ITGA7: variants seen among roughly 807,000 people sequenced by gnomAD.
ITGA7 encodes integrin subunit alpha 7.
In ITGA7, 84 loss-of-function variants were observed where a neutral mutation model predicts 131.6. The ratio of observed to expected loss-of-function variants is 0.64; its 90% CI spans 0.54 to 0.77. The LOEUF is 0.77. Ranked by LOEUF, ITGA7 falls within the 30% of genes least tolerant of loss-of-function variation. The pLI is 0.00. For synonymous variants in ITGA7, 548 were observed against 600.7 expected, an observed-to-expected ratio of 0.91 and a Z score of 1.28; for missense variants, 1,399 against 1,482.9, an observed-to-expected ratio of 0.94 and a Z score of 0.93.
At position 55,696,357 on chromosome 12, in the gene ITGA7, G is replaced by C; in HGVS notation, c.1813C>G (p.Gln605Glu). The C allele has an allele frequency of 6.3e-7, 1 of 1,591,172 alleles. No homozygotes were observed. The highest frequency in any genetic ancestry group is 8.6e-7 in the Non-Finnish European group (1 of 1,167,604). Residue 605 changes from glutamine to glutamate, a missense_variant, in exon 13 of 25, where the codon CAG becomes GAG. Coordinates refer to ENST00000257879, the MANE Select transcript of ITGA7 (RefSeq NM_002206.3). ...GGAGGCAGCCCCTGGCCAGGAGCCT[G>C]TCGCCGGAGCCGAGGGGTCTGGAGA... ...YSLQTPRLRR[Q>E]APGQGLPPVA... is the part of the protein sequence containing the mutation.
At chr12:55,695,693 CT>C (rs1232986153) in intron 13 of ITGA7, 56 bp from the exon 14 acceptor site, 24 of 1,183,276 alleles carry the variant, frequency 2.0e-5, no homozygotes, top group Non-Finnish European at 2.8e-5. Context: ...GGGGGCAAAC[CT>C]GTCACCATGG....
chr12:55,710,615 A>C (rs1876009360), upstream of ITGA7, among the ~76,000 whole-genome samples: 1 of 151,854 alleles, frequency 6.6e-6, no homozygotes, highest in South Asian at 2.1e-4. Flanking sequence ...CCATCTCTAC[A>C]AAAAATAGAA....
chr12:55,690,167 C>T (rs993945631), intron 21 of ITGA7, among the ~76,000 whole-genome samples: 6 of 152,188 alleles, frequency 3.9e-5, no homozygotes, highest in Non-Finnish European at 7.3e-5. Flanking sequence ...AAGAAACTAT[C>T]ATCGGAGTGA....
upstream of ITGA7, among the ~76,000 whole-genome samples, chr12:55,713,729 C>T (rs1466712602): frequency 6.6e-6 from 1 of 152,182 alleles, no homozygotes; most frequent in Non-Finnish European, 1.5e-5. Flanking sequence ...TTTATTTTGG[C>T]ACTTAAAATG....
chr12:55,700,513 C>T (rs1873752836), intron 4 of ITGA7: 2 of 1,256,026 alleles, frequency 1.6e-6, no homozygotes, highest in Non-Finnish European at 2.2e-6. Flanking sequence ...CTCTCCCCAC[C>T]CTGTCCCCAA....
chr12:55,689,831 A>C (rs1432623583), intron 21 of ITGA7, among the ~76,000 whole-genome samples: 1 of 152,152 alleles, frequency 6.6e-6, no homozygotes, highest in Non-Finnish European at 1.5e-5. Context: ...ATCTACAACT[A>C]TCTGATCTTT....
At chr12:55,689,353 C>G (rs893146780) in intron 21 of ITGA7, among the ~76,000 whole-genome samples, 1 of 152,186 alleles carries the variant, frequency 6.6e-6, no homozygotes, top group South Asian at 2.1e-4. Context: ...GGAGGCCAAG[C>G]GACCTGCCTC....
At chr12:55,692,787 T>C in intron 21 of ITGA7, 57 bp downstream of exon 21, 1 of 1,554,690 alleles carries the variant, frequency 6.4e-7, no homozygotes, top group South Asian at 1.2e-5. Flanking sequence ...ACAGGTACCC[T>C]TCCTGGACAC....
chr12:55,697,121 C>T, intron 11 of ITGA7, 53 bp from the exon 12 acceptor site: 1 of 1,595,254 alleles, frequency 6.3e-7, no homozygotes, highest in Non-Finnish European at 8.5e-7. Flanking sequence ...TGCTCCAGCT[C>T]ACCCCATTCC....
At position 55,707,494 on chromosome 12, in the gene ITGA7, C is replaced by T. The variant is rs1262086396; in HGVS notation, c.189G>A (p.Gln63=). 4.3e-6 allele frequency: 7 copies of T among 1,613,410 alleles called. No homozygotes were observed. The highest frequency in any genetic ancestry group is 4.0e-5 in the African/African-American group (3 of 74,882). The change falls in exon 1 of 25, where the codon CAG becomes CAA. Residue 63 remains glutamine (Q), a synonymous_variant. Coordinates refer to ENST00000257879, the MANE Select transcript of ITGA7 (RefSeq NM_002206.3). ...GFSVALHRQL[Q]PRPQSWLLVG... is the part of the protein sequence containing the mutation. ...TGACTCACCAGCTCTGGGGTCGGGG[C>T]TGCAACTGCCGGTGCAGGGCCACAG...
intron 21 of ITGA7, among the ~76,000 whole-genome samples, 166 bp downstream of exon 21, chr12:55,692,678 G>A (rs1454249919): frequency 6.6e-6 from 1 of 152,298 alleles, no homozygotes; most frequent in African/African-American, 2.4e-5. Context: ...TGAGCAGGAA[G>A]GGGGTCTGCA....
At chr12:55,705,401 T>TG (rs1356979124) in intron 1 of ITGA7, among the ~76,000 whole-genome samples, 1 of 148,264 alleles carries the variant, frequency 6.7e-6, no homozygotes, top group African/African-American at 2.5e-5. Context: ...TGTTGGCAGC[T>TG]GGGGGGCAGA....
rs201280060 is a variant in ITGA7, at chr12:55,697,059, T to C, written c.1577A>G (p.Tyr526Cys). The C allele has an allele frequency of 9.9e-5, 160 of 1,613,682 alleles. No individual in the cohort carries two copies. The highest frequency in any genetic ancestry group is 1.3e-4 in the Non-Finnish European group (153 of 1,179,880). Residue 526 changes from tyrosine to cysteine, a missense_variant, in exon 12 of 25, where the codon TAT (tyrosine) becomes TGT (cysteine). Physicochemically the swap from Tyr to Cys is radical, Grantham distance 194. Transcript: ENST00000257879. ...CCGGTCTGTGTCCGCATCTAACACATAGTCCAGGGCTGTGGCATGTTGGGA... is the reference window on the plus strand; with the variant it reads ...CCGGTCTGTGTCCGCATCTAACACACAGTCCAGGGCTGTGGCATGTTGGGA... ...SSYSPTVALD[Y>C]VLDADTDRRL...
intron 22 of ITGA7, 54 bp downstream of exon 22, chr12:55,688,790 G>T: frequency 1.5e-6 from 2 of 1,338,600 alleles, no homozygotes; most frequent in Non-Finnish European, 2.2e-6. Context: ...AATGAGTCCT[G>T]GAGGGGCTTT....
chr12:55,712,378 C>T (rs1455489827), upstream of ITGA7: 1 of 768,808 alleles, frequency 1.3e-6, no homozygotes, highest in African/African-American at 1.7e-5. Context: ...CCAGATCTCC[C>T]AGTATGTGAA....
Position 55,694,053 on chromosome 12 carries a change from C to T in ITGA7, c.2503G>A (p.Asp835Asn). 1 of 1,614,138 alleles carries T rather than the reference C, an allele frequency of 6.2e-7. No homozygotes were observed. Among genetic ancestry groups the T allele is most frequent in the African/African-American group, 1.3e-5 (1 of 75,064 alleles). ...TCATACTTGACCTTGCTGCCCACAT[C>T]CCGCTCAGACTGCATGGCTCTCTCG... is the stretch of plus-strand genomic sequence containing the variant. ...RGERAMQSER[D>N]VGSKVKYEVT... is the part of the protein sequence containing the mutation. The change falls in exon 19 of 25, where the codon GAT becomes AAT. Residue 835 changes from aspartate (D) to asparagine (N), a missense_variant. By Grantham distance (23) the Asp-to-Asn change is conservative (BLOSUM62 1). Transcript: ENST00000257879. The surrounding 1 kb of genome is among the most constrained non-coding windows in gnomAD (Gnocchi z 5.3).
Position 55,707,822 on chromosome 12 carries a change from C to CCAG in ITGA7, c.-141_-140insCTG, listed in dbSNP as rs2136104717. On this transcript the variant is annotated 5_prime_UTR_variant, in exon 1 of 25. Coordinates refer to ENST00000257879, the MANE Select transcript of ITGA7 (RefSeq NM_002206.3). Reference sequence around the variant, plus strand: ...TCTCCCAGACGTTCGCCCCGCCAGCCCTCCCGCCCGCCCGCCGCTCCGCCA... The same window carrying CCAG: ...TCTCCCAGACGTTCGCCCCGCCAGCCCAGCTCCCGCCCGCCCGCCGCTCCGCCA... 9.2e-6 allele frequency: 13 copies of CCAG among 1,411,452 alleles called. No homozygotes were observed. Among genetic ancestry groups the CCAG allele is most frequent in the Non-Finnish European group, 1.2e-5 (13 of 1,057,348 alleles). 87.4% of individuals were successfully genotyped at this position (1,411,452 alleles called of 1,614,324 possible).
In ITGA7 at chr12:55,696,471, C is replaced by T. The variant is rs756258571; in HGVS notation, c.1738-39G>A. On this transcript the variant is annotated intron_variant, in intron 12 of 24. Coordinates refer to ENST00000257879, the MANE Select transcript of ITGA7 (RefSeq NM_002206.3). ...GGTCTATTCCTCACTGGAACAATCC[C>T]CAGGCCTCAGCCCTGCTCAGTGCCC... 2.0e-5 allele frequency: 31 copies of T among 1,575,608 alleles called. 1 individual carries two copies. In the South Asian group the frequency reaches 3.5e-4, roughly 18 times the overall value.
chr12:55,707,356 T>G (rs1875419857), intron 1 of ITGA7, 121 bp downstream of exon 1: 1 of 798,400 alleles, frequency 1.3e-6, no homozygotes, highest in African/African-American at 1.7e-5. Context: ...ATGTGGGATG[T>G]CTGTGGGCAG....
Sources: allele counts gnomAD v4.1 joint callset (sites outside exome capture counted in the v4.1 genomes callset), GRCh38; gene constraint gnomAD v4.1.1; non-coding constraint Gnocchi (gnomAD v3.1); transcripts MANE v1.5; gene names NCBI Gene and HGNC (gene_info 2026-07-23, HGNC 2026-07-21).